FBXO27: variants seen among roughly 807,000 people sequenced by gnomAD.
The protein encoded by FBXO27 is F-box protein 27.
Under a neutral mutation model 28.3 loss-of-function variants are expected in FBXO27, and 28 were observed. The ratio of observed to expected loss-of-function variants is 0.99; its 90% CI spans 0.73 to 1.36. The LOEUF is 1.36. Among genes scored for constraint, FBXO27 ranks in the 40% most tolerant of loss-of-function variants. The pLI, the probability that FBXO27 is intolerant of heterozygous loss-of-function variation, is 0.00. For missense variants in FBXO27, 388 were observed against 394.1 expected (o/e 0.98, Z 0.13); for synonymous variants, 175 against 167.3 (o/e 1.05, Z -0.36).
intron 2 of FBXO27, among the ~76,000 whole-genome samples, chr19:39,008,633 T>C (rs1474158866): frequency 3.3e-5 from 5 of 152,152 alleles, no homozygotes; most frequent in African/African-American, 1.2e-4. Context: ...ACAATCCGTG[T>C]ACCTGTGAGC....
In FBXO27 at chr19:39,031,976, G is replaced by A. The variant is rs201987206; in HGVS notation, c.252C>T (p.His84=). The A allele has an allele frequency of 8.8e-4, 1,346 of 1,525,090 alleles. 3 individuals are homozygous for A. Among genetic ancestry groups the A allele is most frequent in the Non-Finnish European group, 7.6e-4 (874 of 1,146,720 alleles). The allele number at this position is 1,525,090 out of a possible 1,614,324, so 94.5% of individuals were successfully genotyped here. ...CGGGAGACTGGCAGCTGCGGGCGAG[G>A]TGCAGCAGCGCGCGGCCGGTGGCGC... The part of the protein sequence containing the change: ...DHGATGRALL[H]LARSCQSPAR... Residue 84 remains histidine, a synonymous_variant, in exon 2 of 6, where the codon CAC becomes CAT. Transcript: ENST00000292853.
chr19:39,022,783 A>G (rs1229805090), downstream of FBXO27, among the ~76,000 whole-genome samples: 1 of 151,726 alleles, frequency 6.6e-6, no homozygotes. Context: ...CGACTGGCTA[A>G]TTTGCATTTT....
At chr19:39,012,679 G>A (rs748609679) in intron 2 of FBXO27, among the ~76,000 whole-genome samples, 3 of 151,632 alleles carry the variant, frequency 2.0e-5, no homozygotes, top group Non-Finnish European at 4.4e-5. Flanking sequence ...GAAAAGAAGC[G>A]GGGCACGATT....
downstream of FBXO27, among the ~76,000 whole-genome samples, chr19:39,019,275 C>A (rs12978285): frequency 0.8 from 119,126 of 149,514 alleles, 47,766 homozygotes; most frequent in South Asian, 0.88. Flanking sequence ...TACAAAAAAA[C>A]TTAGCTGGGC....
At chr19:39,010,754 C>A (rs112837652) in intron 2 of FBXO27, among the ~76,000 whole-genome samples, 6,644 of 152,320 alleles carry the variant, frequency 0.044, 488 homozygotes, top group African/African-American at 0.15. Context: ...TAAATGACTG[C>A]AAAACTGCCC....
At chr19:39,023,858 G>A (rs1027033198), downstream of FBXO27, among the ~76,000 whole-genome samples, 17 of 151,770 alleles carry the variant, frequency 1.1e-4, no homozygotes, top group East Asian at 1.9e-4. Context: ...CAAGTGATCC[G>A]CCCACCTCGG....
intron 1 of FBXO27, among the ~76,000 whole-genome samples, chr19:39,019,019 A>C (rs939388803): frequency 1.3e-5 from 2 of 150,524 alleles, no homozygotes; most frequent in African/African-American, 4.9e-5. Flanking sequence ...CAGTGAGCCC[A>C]GATCATGCCA....
chr19:39,011,427 C>G (rs552467899), intron 2 of FBXO27, among the ~76,000 whole-genome samples: 102 of 152,256 alleles, frequency 6.7e-4, no homozygotes, highest in African/African-American at 2.4e-3. Flanking sequence ...GCGAAACTCT[C>G]TCTCTCAAAA....
intron 4 of FBXO27, 99 bp from the exon 5 acceptor site, chr19:39,027,104 G>T: frequency 4.7e-6 from 7 of 1,486,716 alleles, no homozygotes; most frequent in Non-Finnish European, 5.5e-6. Context: ...TGCAAATCCA[G>T]TTCCTCTAAA....
intron 2 of FBXO27, among the ~76,000 whole-genome samples, chr19:39,011,850 C>A (rs866171264): frequency 4.6e-5 from 6 of 131,416 alleles, no homozygotes; most frequent in African/African-American, 1.7e-4. Flanking sequence ...TTTTTTTAGA[C>A]GGAGTCTCTT....
rs764142765 is a variant in FBXO27, at chr19:39,011,767, C to T, written c.252+2620G>A. On this transcript the variant is annotated intron_variant, in intron 2 of 2. Transcript: ENST00000598394. Reference sequence around the variant, plus strand: ...GGCCTCAAGCAATCCTCCCACCTCGCCTCCCAAAGTGTTGAGAATTATAGG... The same window carrying T: ...GGCCTCAAGCAATCCTCCCACCTCGTCTCCCAAAGTGTTGAGAATTATAGG... Among the ~76,000 whole-genome samples the T allele has an allele frequency of 4.6e-5, 7 of 151,696 alleles. 1 individual carries two copies. The highest frequency in any genetic ancestry group is 7.3e-5 in the African/African-American group (3 of 41,314).
At chr19:39,008,010 T>A (rs1331430665) in intron 2 of FBXO27, among the ~76,000 whole-genome samples, 1 of 152,136 alleles carries the variant, frequency 6.6e-6, no homozygotes, top group Non-Finnish European at 1.5e-5. Context: ...ACATCTGTGA[T>A]CCTAGCAATT....
chr19:39,030,769 A>ATT, intron 4 of FBXO27: 14 of 437,954 alleles, frequency 3.2e-5, no homozygotes, highest in South Asian at 7.7e-5. Context: ...GGCCCGGCTA[A>ATT]TTTTTTTTTT....
Position 39,031,300 on chromosome 19 carries a change from C to A in FBXO27, c.385G>T (p.Val129Leu), listed in dbSNP as rs2072901697. The A allele has an allele frequency of 6.2e-7, 1 of 1,614,028 alleles. No homozygotes were observed. Among genetic ancestry groups the A allele is most frequent in the Non-Finnish European group, 8.5e-7 (1 of 1,179,920 alleles). ...CGQEGLRKWM[V>L]QHGGDGWVVE... is the part of the protein sequence containing the mutation. ...ACCCAGCCGTCCCCACCGTGTTGCACCATCCACTTTCGGAGGCCTTCTGTG... is the reference window on the plus strand; with the variant it reads ...ACCCAGCCGTCCCCACCGTGTTGCAACATCCACTTTCGGAGGCCTTCTGTG... Residue 129 changes from valine (V) to leucine (L), a missense_variant, in exon 3 of 6, where the codon GTG becomes TTG. Coordinates refer to ENST00000292853, the MANE Select transcript of FBXO27 (RefSeq NM_178820.5).
chr19:39,031,948 G>A lies in FBXO27; in HGVS notation c.280C>T (p.Arg94Cys), dbSNP rs778849319. 4 of 1,517,548 alleles carry A rather than the reference G, an allele frequency of 2.6e-6. No homozygotes were observed. The highest frequency in any genetic ancestry group is 3.5e-6 in the Non-Finnish European group (4 of 1,144,558). 94.0% of individuals were successfully genotyped at this position (1,517,548 alleles called of 1,614,324 possible). The change falls in exon 2 of 6, where the codon CGT (arginine) becomes TGT (cysteine). Residue 94 changes from arginine (R) to cysteine (C), a missense_variant. Physicochemically the swap from Arg to Cys is radical, Grantham distance 180. Transcript: ENST00000292853. ...HLARSCQSPARNARPCPLGRF... is the reference protein window; with the variant it reads ...HLARSCQSPACNARPCPLGRF... ...CCCAGGGGGCAAGGCCTGGCGTTAC[G>A]GGCGGGAGACTGGCAGCTGCGGGCG...
Position 39,031,337 on chromosome 19 carries a change from G to T in FBXO27, c.365-17C>A. The T allele has an allele frequency of 1.2e-6, 2 of 1,612,776 alleles. No individual in the cohort carries two copies. Among genetic ancestry groups the T allele is most frequent in the Non-Finnish European group, 8.5e-7 (1 of 1,179,082 alleles). On this transcript the variant is annotated splice_polypyrimidine_tract_variant and intron_variant, in intron 2 of 5. Transcript: ENST00000292853. ...GGAGGCCTTCTGTGAAATAAAAAAG[G>T]CTTGTGCCCAAGTTCCAGTCGCCCG...
chr19:39,025,678 G>A, intron 5 of FBXO27, 124 bp from the exon 6 acceptor site: 2 of 1,254,058 alleles, frequency 1.6e-6, no homozygotes, highest in Middle Eastern at 2.0e-4. Context: ...TGGGCCACAT[G>A]TTCTTCTAGA....
rs1301602749 is a variant in FBXO27 at position 39,032,276 on chromosome 19, G to T, written c.-26-23C>A. 1 of 1,394,600 alleles carries T rather than the reference G, an allele frequency of 7.2e-7. No individual in the cohort carries two copies. The highest frequency in any genetic ancestry group is 9.2e-7 in the Non-Finnish European group (1 of 1,084,898). The allele number at this position is 1,394,600 out of a possible 1,614,324, so 86.4% of individuals were successfully genotyped here. On this transcript the variant is annotated intron_variant, in intron 1 of 5. Coordinates refer to ENST00000292853, the MANE Select transcript of FBXO27 (RefSeq NM_178820.5). The surrounding 1 kb of genome is among the most constrained non-coding windows in gnomAD (Gnocchi z 4.7). ...TGGCTGCGGGAGAGGAAGGGTCAAG[G>T]CGTCAGGGACCAGCAGCCTCCGCGG... is the stretch of plus-strand genomic sequence containing the variant.
At position 39,025,526 on chromosome 19, in the gene FBXO27, A is replaced by G; in HGVS notation, c.737T>C (p.Met246Thr). ...HVTHVFSNIK[M>T]GVRFVSFEHR... ...TTCGAAAGACACAAAGCGGACGCCC[A>G]TCTTGATGTTGGAGAACACGTGGGT... The change falls in exon 6 of 6, where the codon ATG (methionine) becomes ACG (threonine). Residue 246 changes from methionine to threonine, a missense_variant. Met to Thr is a moderately conservative substitution (Grantham distance 81). Coordinates refer to ENST00000292853, the MANE Select transcript of FBXO27 (RefSeq NM_178820.5). The G allele has an allele frequency of 2.5e-6, 4 of 1,614,108 alleles. No homozygotes were observed. Among genetic ancestry groups the G allele is most frequent in the African/African-American group, 1.3e-5 (1 of 75,066 alleles).
Sources: allele counts gnomAD v4.1 joint callset (sites outside exome capture counted in the v4.1 genomes callset), GRCh38; gene constraint gnomAD v4.1.1; non-coding constraint Gnocchi (gnomAD v3.1); transcripts MANE v1.5; gene names NCBI Gene and HGNC (gene_info 2026-07-23, HGNC 2026-07-21).